Variants in BRAF observed in about 807,000 individuals in gnomAD.
BRAF encodes serine/threonine-protein kinase B-raf.
A neutral mutation model predicts 104.6 loss-of-function variants in BRAF; 16 were observed. The ratio of observed to expected loss-of-function variants is 0.15; its 90% CI spans 0.10 to 0.23. BRAF has a LOEUF of 0.23. Among genes scored for constraint, BRAF ranks in the 10% least tolerant of loss-of-function variants. The pLI is 1.00. For missense variants in BRAF, 541 were observed against 937.3 expected (o/e 0.58, Z 5.52); for synonymous variants, 310 against 341.6 (o/e 0.91, Z 1.02).
chr7:140,819,383 C>T (rs1288146188), intron 3 of BRAF, among the ~76,000 whole-genome samples: 1 of 151,986 alleles, frequency 6.6e-6, no homozygotes, highest in Non-Finnish European at 1.5e-5. Flanking sequence ...AAATAATAAA[C>T]AAGTTTGGCA....
intron 14 of BRAF, among the ~76,000 whole-genome samples, chr7:140,766,691 C>G (rs1799360822): frequency 6.6e-6 from 1 of 152,012 alleles, no homozygotes; most frequent in South Asian, 2.1e-4. Context: ...GCTGGGACCA[C>G]AGACATACAC....
Position 140,724,352 on chromosome 7 carries a change from T to C in BRAF, c.*2142A>G, listed in dbSNP as rs1795481862. 9.5e-7 allele frequency: 1 copy of C among 1,054,438 alleles called. No individual in the cohort carries two copies. The highest frequency in any genetic ancestry group is 1.1e-6 in the Non-Finnish European group (1 of 872,440). The allele number at this position is 1,054,438 out of a possible 1,614,324, so 65.3% of individuals were successfully genotyped here. ...TCTTGGTAAAGGGAACACAGCCACA[T>C]TTAAAAGCATCTAGAGATATATTTA... is the stretch of plus-strand genomic sequence containing the variant. On this transcript the variant is annotated 3_prime_UTR_variant, in exon 20 of 20. Transcript: ENST00000644969.
chr7:140,811,782 G>T (rs1257234348), intron 3 of BRAF, among the ~76,000 whole-genome samples: 2 of 152,152 alleles, frequency 1.3e-5, no homozygotes, highest in East Asian at 3.8e-4. Flanking sequence ...ATACAGAGGG[G>T]TTTTTTGGCT....
chr7:140,720,291 C>T lies in BRAF; in HGVS notation c.*6203G>A. ...CGATATCATGAAGGCCAAACTGAGT[C>T]TATATATGTGGCATGGCCAAAGGAA... On this transcript the variant is annotated 3_prime_UTR_variant, in exon 20 of 20. Coordinates refer to ENST00000644969, the MANE Select transcript of BRAF (RefSeq NM_001374258.1). The T allele has an allele frequency of 9.4e-7, 1 of 1,062,634 alleles. No homozygotes were observed. The highest frequency in any genetic ancestry group is 1.1e-6 in the Non-Finnish European group (1 of 877,668). The allele number at this position is 1,062,634 out of a possible 1,614,324, so 65.8% of individuals were successfully genotyped here.
intron 10 of BRAF, among the ~76,000 whole-genome samples, chr7:140,784,211 T>C (rs1190661350): frequency 6.6e-6 from 1 of 152,218 alleles, no homozygotes; most frequent in East Asian, 1.9e-4. Context: ...AGGATACCAA[T>C]AACCACATTT....
Position 140,822,028 on chromosome 7 carries a change from G to C in BRAF, c.504+12581C>G, listed in dbSNP as rs565062791. 4.6e-5 allele frequency among the ~76,000 whole-genome samples: 7 copies of C among 152,254 alleles called. 1 individual carries two copies. Among genetic ancestry groups the C allele is most frequent in the Non-Finnish European group, 7.4e-5 (5 of 68,020 alleles). ...AGAAACCGGAGGCTACTAGAGCGGGGAGGGCAAAGGTTGAAAAACTATTGG... is the reference window on the plus strand; with the variant it reads ...AGAAACCGGAGGCTACTAGAGCGGGCAGGGCAAAGGTTGAAAAACTATTGG... On this transcript the variant is annotated intron_variant, in intron 3 of 19. Coordinates refer to ENST00000644969, the MANE Select transcript of BRAF (RefSeq NM_001374258.1).
At chr7:140,811,537 C>T (rs1204696451) in intron 3 of BRAF, among the ~76,000 whole-genome samples, 3 of 152,176 alleles carry the variant, frequency 2.0e-5, no homozygotes, top group African/African-American at 7.2e-5. Flanking sequence ...AGGGCAACAG[C>T]AGCTTGGAAT....
At chr7:140,728,240 G>A (rs748625738) in intron 19 of BRAF, among the ~76,000 whole-genome samples, 2 of 152,086 alleles carry the variant, frequency 1.3e-5, no homozygotes, top group Non-Finnish European at 2.9e-5. Context: ...AGATGAGGAA[G>A]CCAGGGTTTA....
At chr7:140,781,223 G>A (rs1189753189) in intron 12 of BRAF, 2 of 291,836 alleles carry the variant, frequency 6.9e-6, no homozygotes, top group South Asian at 3.5e-5. Context: ...AAGCCACTGC[G>A]CCCAGCCATT....
At position 140,770,210 on chromosome 7, in the gene BRAF, T is replaced by G. The variant is rs149181874; in HGVS notation, c.1814+6702A>C. Among the ~76,000 whole-genome samples the G allele has an allele frequency of 7.6e-3, 1,162 of 152,292 alleles. 18 individuals are homozygous for G. Among genetic ancestry groups the G allele is most frequent in the African/African-American group, 0.026 (1,098 of 41,550 alleles). On this transcript the variant is annotated intron_variant, in intron 14 of 19. Coordinates refer to ENST00000644969, the MANE Select transcript of BRAF (RefSeq NM_001374258.1). ...ACCAGAAAATTATGTTCACTATAAT[T>G]AAATATTCTTCGGCCACTTAGAATT...
Position 140,808,045 on chromosome 7 carries a change from C to G in BRAF, c.626G>C (p.Gly209Ala). 1 of 1,612,916 alleles carries G rather than the reference C, an allele frequency of 6.2e-7. No individual in the cohort carries two copies. The highest frequency in any genetic ancestry group is 8.5e-7 in the Non-Finnish European group (1 of 1,179,104). Residue 209 changes from glycine to alanine, a missense_variant, in exon 5 of 20, where the codon GGT becomes GCT. By Grantham distance (60) the Gly-to-Ala change is moderately conservative (BLOSUM62 0). Around this residue, in one of 10 missense-constraint regions of BRAF, gnomAD observed 26 missense variants for 74.4 expected, o/e 0.35. Transcript: ENST00000644969. The stretch of plus-strand genomic sequence containing the variant: ...AAGCCAGGAAATATCAGTGTCCCAA[C>G]CAATTGGTTTCTTCTCTCTGAAAAA... ...RIQDGEKKPI[G>A]WDTDISWLTG... is the part of the protein sequence containing the mutation.
At chr7:140,778,142 G>C in intron 12 of BRAF, 67 bp from the exon 12 acceptor site, 1 of 1,461,320 alleles carries the variant, frequency 6.8e-7, no homozygotes, top group Non-Finnish European at 9.5e-7. Context: ...AAACATTCTT[G>C]GGTGTTTTCA....
intron 1 of BRAF, among the ~76,000 whole-genome samples, chr7:140,902,036 G>A (rs1815705011): frequency 6.6e-6 from 1 of 152,212 alleles, no homozygotes; most frequent in African/African-American, 2.4e-5. Context: ...GTACAGGCAT[G>A]CTTCATCATA....
At chr7:140,796,860 T>C (rs932207948) in intron 7 of BRAF, among the ~76,000 whole-genome samples, 5 of 152,078 alleles carry the variant, frequency 3.3e-5, no homozygotes, top group African/African-American at 9.7e-5. Flanking sequence ...GAAGAGTGAG[T>C]GGTGGCGCAC....
intron 7 of BRAF, 38 bp from the exon 8 acceptor site, chr7:140,794,505 T>G (rs952448841): frequency 6.3e-7 from 1 of 1,595,206 alleles, no homozygotes; most frequent in East Asian, 2.2e-5. Flanking sequence ...AGATTCAGAG[T>G]AACGATATAA....
chr7:140,896,580 C>T (rs1814926218), intron 1 of BRAF, among the ~76,000 whole-genome samples: 2 of 151,266 alleles, frequency 1.3e-5, no homozygotes, highest in Admixed American at 1.3e-4. Context: ...AATAGAAACA[C>T]ATGGCCCAGG....
intron 5 of BRAF, among the ~76,000 whole-genome samples, chr7:140,803,175 T>A (rs1028108403): frequency 1.3e-5 from 2 of 152,196 alleles, no homozygotes; most frequent in Non-Finnish European, 2.9e-5. Context: ...TGTAAGCACA[T>A]AACAAAATCA....
intron 1 of BRAF, among the ~76,000 whole-genome samples, chr7:140,859,978 C>A (rs1395419562): frequency 2.0e-5 from 3 of 152,282 alleles, no homozygotes; most frequent in African/African-American, 7.2e-5. Flanking sequence ...TAAGCCACTG[C>A]GCCCAGCCTG....
Position 140,794,420 on chromosome 7 carries a change from G to A in BRAF, c.1028C>T (p.Pro343Leu), listed in dbSNP as rs752186820. 10 of 1,613,984 alleles carry A rather than the reference G, an allele frequency of 6.2e-6. No homozygotes were observed. Among genetic ancestry groups the A allele is most frequent in the Non-Finnish European group, 8.5e-6 (10 of 1,179,990 alleles). The part of the protein sequence containing the change: ...SPSPSKSIPI[P>L]QPFRPADEDH... ...TTCATCTGCTGGTCGGAAGGGCTGT[G>A]GAATTGGAATGGATTTTGAAGGAGA... Residue 343 changes from proline to leucine, a missense_variant, in exon 8 of 20, where the codon CCA becomes CTA. Coordinates refer to ENST00000644969, the MANE Select transcript of BRAF (RefSeq NM_001374258.1).
Sources: allele counts gnomAD v4.1 joint callset (sites outside exome capture counted in the v4.1 genomes callset), GRCh38; gene constraint gnomAD v4.1.1; regional missense constraint gnomAD v4.1.1; transcripts MANE v1.5; gene names NCBI Gene and HGNC (gene_info 2026-07-23, HGNC 2026-07-21).